SLC25A21: variants seen among roughly 807,000 people sequenced by gnomAD.
The protein encoded by SLC25A21 is solute carrier family 25 member 21.
SLC25A21 carries 47 observed loss-of-function variants against 43.8 expected under a neutral mutation model. The ratio of observed to expected loss-of-function variants is 1.07; its 90% CI spans 0.85 to 1.37. The LOEUF is 1.37. Ranked by LOEUF, SLC25A21 falls within the 40% of genes most tolerant of loss-of-function variation. The pLI is 0.00. For missense variants in SLC25A21, 352 were observed against 350.2 expected, an observed-to-expected ratio of 1.00 and a Z score of -0.04; for synonymous variants, 131 against 121.3, an observed-to-expected ratio of 1.08 and a Z score of -0.52.
chr14:36,824,538 C>T (rs899453467), intron 2 of SLC25A21, among the ~76,000 whole-genome samples: 9 of 152,048 alleles, frequency 5.9e-5, no homozygotes, highest in African/African-American at 2.2e-4. Context: ...TATAATCTAT[C>T]CCAGTGTGTC....
chr14:36,811,639 G>A (rs1196378475), intron 3 of SLC25A21, among the ~76,000 whole-genome samples: 1 of 152,024 alleles, frequency 6.6e-6, no homozygotes, highest in African/African-American at 2.4e-5. Flanking sequence ...GTAACAGAGT[G>A]AGAGTCCGTC....
At chr14:36,728,843 G>A (rs546211595) in intron 5 of SLC25A21, among the ~76,000 whole-genome samples, 1 of 152,284 alleles carries the variant, frequency 6.6e-6, no homozygotes, top group African/African-American at 2.4e-5. Flanking sequence ...TAGTGCATTT[G>A]CTCTCTCAGG....
chr14:36,760,491 G>C (rs1034435794), intron 3 of SLC25A21, among the ~76,000 whole-genome samples: 1 of 152,092 alleles, frequency 6.6e-6, no homozygotes, highest in African/African-American at 2.4e-5. Context: ...ACTGACCAAG[G>C]CCTCTCAAAT....
At chr14:36,699,912 C>T (rs1452872997) in intron 7 of SLC25A21, among the ~76,000 whole-genome samples, 3 of 152,160 alleles carry the variant, frequency 2.0e-5, no homozygotes, top group African/African-American at 4.8e-5. Flanking sequence ...CCGGGTGAGG[C>T]GACTCCCTGT....
intron 1 of SLC25A21, among the ~76,000 whole-genome samples, chr14:36,935,989 T>C (rs566120683): frequency 2.0e-5 from 3 of 151,242 alleles, no homozygotes; most frequent in South Asian, 4.2e-4. Context: ...TTCTAAATGA[T>C]AGAATAGTTA....
chr14:36,699,202 T>C (rs747800399), intron 7 of SLC25A21, among the ~76,000 whole-genome samples: 1 of 152,100 alleles, frequency 6.6e-6, no homozygotes, highest in African/African-American at 2.4e-5. Context: ...TGCAGGTCTG[T>C]TGGAGTTTGC....
chr14:36,876,938 T>TAGATAGATAGATAG (rs987309216), intron 1 of SLC25A21, among the ~76,000 whole-genome samples: 5 of 76,642 alleles, frequency 6.5e-5, no homozygotes, highest in Non-Finnish European at 1.4e-4. Flanking sequence ...GATAGATAGA[T>TAGATAGATAGATAG]ACACACACAC....
At chr14:37,087,359 G>C (rs997456739) in intron 1 of SLC25A21, among the ~76,000 whole-genome samples, 8 of 152,136 alleles carry the variant, frequency 5.3e-5, no homozygotes, top group Non-Finnish European at 7.3e-5. Flanking sequence ...ATTTTGTTCT[G>C]CCAACTCAAG....
At chr14:37,042,170 C>A (rs1387235470) in intron 1 of SLC25A21, among the ~76,000 whole-genome samples, 1 of 152,118 alleles carries the variant, frequency 6.6e-6, no homozygotes, top group African/African-American at 2.4e-5. Flanking sequence ...TTAAAGCTGG[C>A]GAGCAAACAG....
chr14:36,786,111 C>T (rs761047947), intron 3 of SLC25A21, among the ~76,000 whole-genome samples: 10 of 152,144 alleles, frequency 6.6e-5, no homozygotes, highest in South Asian at 2.1e-4. Flanking sequence ...GAATCAGAAA[C>T]GCCTGGATTT....
At chr14:36,795,448 A>G (rs1887640064) in intron 3 of SLC25A21, among the ~76,000 whole-genome samples, 1 of 152,242 alleles carries the variant, frequency 6.6e-6, no homozygotes, top group Non-Finnish European at 1.5e-5. Flanking sequence ...TTCTTGCCTA[A>G]CAGATACCAA....
intron 1 of SLC25A21, among the ~76,000 whole-genome samples, chr14:36,875,575 T>C (rs1484230499): frequency 6.6e-6 from 1 of 152,226 alleles, no homozygotes; most frequent in African/African-American, 2.4e-5. Flanking sequence ...GGCATTGTTC[T>C]AAGCAGTACT....
chr14:37,043,144 G>T (rs1366100837), intron 1 of SLC25A21, among the ~76,000 whole-genome samples: 2 of 152,114 alleles, frequency 1.3e-5, no homozygotes, highest in Non-Finnish European at 2.9e-5. Flanking sequence ...TCTTAATGTT[G>T]CTTAAATACA....
intron 1 of SLC25A21, among the ~76,000 whole-genome samples, chr14:36,989,259 T>C (rs1190504678): frequency 6.6e-6 from 1 of 152,152 alleles, no homozygotes; most frequent in African/African-American, 2.4e-5. Context: ...ACTGCTTGAG[T>C]GTGCAATGAT....
intron 3 of SLC25A21, among the ~76,000 whole-genome samples, chr14:36,786,920 G>T (rs912763501): frequency 2.0e-5 from 3 of 152,124 alleles, no homozygotes; most frequent in Admixed American, 2.0e-4. Context: ...TGGAGGTGAG[G>T]CCCCTCACCT....
At chr14:36,979,054 C>T (rs773730493) in intron 1 of SLC25A21, among the ~76,000 whole-genome samples, 10 of 152,152 alleles carry the variant, frequency 6.6e-5, no homozygotes, top group Admixed American at 1.3e-4. Context: ...CACCACTGCA[C>T]TCCAGCCTGG....
chr14:37,068,594 A>C (rs1413634680), intron 1 of SLC25A21, among the ~76,000 whole-genome samples: 1 of 152,228 alleles, frequency 6.6e-6, no homozygotes, highest in Non-Finnish European at 1.5e-5. Context: ...GTAATTTTGT[A>C]AATTGATTTA....
At chr14:36,903,346 G>T (rs140134803) in intron 1 of SLC25A21, among the ~76,000 whole-genome samples, 3 of 152,008 alleles carry the variant, frequency 2.0e-5, no homozygotes, top group African/African-American at 7.2e-5. Context: ...TTCACATAGT[G>T]TTCTTTTAAA....
intron 1 of SLC25A21, among the ~76,000 whole-genome samples, chr14:37,078,196 T>C (rs1275314835): frequency 2.0e-5 from 3 of 152,138 alleles, no homozygotes; most frequent in Admixed American, 6.5e-5. Context: ...TGGTTATTTG[T>C]GGTTAATACA....
Sources: allele counts gnomAD v4.1 joint callset (sites outside exome capture counted in the v4.1 genomes callset), GRCh38; gene constraint gnomAD v4.1.1; transcripts MANE v1.5; gene names NCBI Gene and HGNC (gene_info 2026-07-23, HGNC 2026-07-21).